Variants in PTPRD observed in about 807,000 individuals in gnomAD.
PTPRD encodes receptor-type tyrosine-protein phosphatase delta.
Under a neutral mutation model 214.5 loss-of-function variants are expected in PTPRD, and 34 were observed. That is an observed-to-expected ratio of 0.16 (90% CI 0.12 to 0.21). The LOEUF (loss-of-function observed/expected upper bound fraction) is 0.21, where lower values mean the gene tolerates loss of function less well. Ranked by LOEUF, PTPRD falls within the 10% of genes least tolerant of loss-of-function variation. The pLI is 1.00. For synonymous variants in PTPRD, 1,128 were observed against 845.7 expected, an observed-to-expected ratio of 1.33 and a Z score of -5.79; for missense variants, 2,545 against 2,398.7, an observed-to-expected ratio of 1.06 and a Z score of -1.27.
At chr9:10,245,103 T>C (rs1296227819) in intron 3 of PTPRD, among the ~76,000 whole-genome samples, 1 of 152,168 alleles carries the variant, frequency 6.6e-6, no homozygotes, top group Non-Finnish European at 1.5e-5. Flanking sequence ...TTACATATTA[T>C]TGACAGACAT....
chr9:8,866,054 A>G (rs1336752043), intron 11 of PTPRD, among the ~76,000 whole-genome samples: 2 of 152,188 alleles, frequency 1.3e-5, no homozygotes, highest in Non-Finnish European at 2.9e-5. Context: ...TTAGATGAAC[A>G]GAGCATTCAT....
rs114089038 is a variant in PTPRD at position 8,622,603 on chromosome 9, T to G, written c.352+10714A>C. ...TTCCTTGAAGGCAAGTGGGGGTAGT[T>G]TCTTTCCATCTTTTTATTCCCAACA... On this transcript the variant is annotated intron_variant, in intron 14 of 45. Coordinates refer to ENST00000381196, the MANE Select transcript of PTPRD (RefSeq NM_002839.4). 3.7e-3 allele frequency among the ~76,000 whole-genome samples: 560 copies of G among 152,090 alleles called. 3 individuals carry two copies. Among genetic ancestry groups the G allele is most frequent in the African/African-American group, 0.013 (539 of 41,530 alleles).
intron 2 of PTPRD, among the ~76,000 whole-genome samples, chr9:10,561,047 A>G (rs2063836216): frequency 6.6e-6 from 1 of 152,174 alleles, no homozygotes; most frequent in African/African-American, 2.4e-5. Context: ...ATTTTTTTCA[A>G]TTCTTCCAAA....
At chr9:9,889,034 C>T (rs372201859) in intron 5 of PTPRD, among the ~76,000 whole-genome samples, 1 of 152,036 alleles carries the variant, frequency 6.6e-6, no homozygotes, top group Non-Finnish European at 1.5e-5. Flanking sequence ...ACAAACACTG[C>T]ATGATCTCAC....
intron 9 of PTPRD, among the ~76,000 whole-genome samples, chr9:9,208,803 A>G (rs760765869): frequency 2.0e-5 from 3 of 151,878 alleles, no homozygotes; most frequent in Non-Finnish European, 2.9e-5. Context: ...CAGAGACAAT[A>G]TAACTCTTTT....
chr9:9,040,460 CTGCACATTTATAT>C (rs1273399588), intron 10 of PTPRD, among the ~76,000 whole-genome samples: 11 of 152,146 alleles, frequency 7.2e-5, no homozygotes, highest in African/African-American at 2.7e-4. Flanking sequence ...AAAACAAATT[CTGCACATTTATAT>C]TGGAGTGTAG....
chr9:9,950,319 A>G (rs1265018658), intron 4 of PTPRD, among the ~76,000 whole-genome samples: 1 of 152,162 alleles, frequency 6.6e-6, no homozygotes, highest in African/African-American at 2.4e-5. Context: ...TGGGGAGTTC[A>G]TTTCCCAAGA....
At chr9:8,683,944 T>G (rs1272247293) in intron 12 of PTPRD, among the ~76,000 whole-genome samples, 1 of 152,152 alleles carries the variant, frequency 6.6e-6, no homozygotes, top group Non-Finnish European at 1.5e-5. Flanking sequence ...GGGAGGTGTC[T>G]GAGGAGTCCT....
At chr9:10,194,467 T>A (rs566187158) in intron 3 of PTPRD, among the ~76,000 whole-genome samples, 1 of 151,296 alleles carries the variant, frequency 6.6e-6, no homozygotes, top group African/African-American at 2.4e-5. Flanking sequence ...AAAGTGAGAA[T>A]TGTTTATTGA....
At chr9:9,251,815 T>C (rs1464038758) in intron 9 of PTPRD, among the ~76,000 whole-genome samples, 2 of 152,080 alleles carry the variant, frequency 1.3e-5, no homozygotes, top group East Asian at 3.9e-4. Context: ...TCTAGAATTA[T>C]TGTTTATAAT....
At chr9:9,046,330 C>G (rs1049520772) in intron 10 of PTPRD, among the ~76,000 whole-genome samples, 1 of 152,090 alleles carries the variant, frequency 6.6e-6, no homozygotes, top group African/African-American at 2.4e-5. Context: ...GTGATTTAAA[C>G]AATAGGTTAA....
intron 9 of PTPRD, among the ~76,000 whole-genome samples, chr9:9,374,879 T>A (rs1191557657): frequency 1.3e-5 from 2 of 152,188 alleles, no homozygotes; most frequent in East Asian, 3.9e-4. Flanking sequence ...ATTATTGTTA[T>A]TAATATCCTA....
intron 7 of PTPRD, among the ~76,000 whole-genome samples, chr9:9,667,015 G>C (rs1372058482): frequency 6.6e-6 from 1 of 151,860 alleles, no homozygotes; most frequent in African/African-American, 2.4e-5. Flanking sequence ...TATATTACTT[G>C]GTTACCCTCA....
intron 5 of PTPRD, among the ~76,000 whole-genome samples, chr9:9,849,021 G>C (rs553009586): frequency 4.7e-4 from 71 of 151,686 alleles, no homozygotes; most frequent in African/African-American, 1.6e-3. Flanking sequence ...CCGAAAAACA[G>C]GGTGTGTCTA....
At chr9:9,591,916 T>C (rs1422243869) in intron 7 of PTPRD, among the ~76,000 whole-genome samples, 1 of 152,190 alleles carries the variant, frequency 6.6e-6, no homozygotes, top group East Asian at 1.9e-4. Context: ...TTATTCCTGC[T>C]ATCTAATTGT....
chr9:8,979,111 C>T (rs1408509440), intron 11 of PTPRD, among the ~76,000 whole-genome samples: 1 of 152,090 alleles, frequency 6.6e-6, no homozygotes, highest in Non-Finnish European at 1.5e-5. Context: ...AGTTCAGTTC[C>T]TTATGTACAG....
At chr9:9,620,265 C>T (rs539428614) in intron 7 of PTPRD, among the ~76,000 whole-genome samples, 1 of 152,228 alleles carries the variant, frequency 6.6e-6, no homozygotes, top group Non-Finnish European at 1.5e-5. Flanking sequence ...TAAAAGGATA[C>T]CGATACCTAC....
At chr9:8,997,319 G>A (rs561677468) in intron 11 of PTPRD, among the ~76,000 whole-genome samples, 12 of 152,016 alleles carry the variant, frequency 7.9e-5, no homozygotes, top group Middle Eastern at 3.4e-3. Context: ...CAAGTCTATC[G>A]ACACCATTTT....
intron 11 of PTPRD, among the ~76,000 whole-genome samples, chr9:8,887,925 T>A (rs2098505300): frequency 6.6e-6 from 1 of 151,966 alleles, no homozygotes. Flanking sequence ...GGAAGAACCA[T>A]CTCAATTCTT....
Sources: gnomAD v4.1 joint callset for allele counts (sites outside exome capture counted in the v4.1 genomes callset) on GRCh38, gnomAD v4.1.1 for gene constraint, MANE v1.5 for transcripts, NCBI Gene and HGNC (gene_info 2026-07-23, HGNC 2026-07-21) for gene names.